The following RORA variants were observed in gnomAD, a reference collection of about 807,000 sequenced individuals.
RORA encodes the protein RAR related orphan receptor A.
In RORA, 7 loss-of-function variants were observed where a neutral mutation model predicts 69.5. The observed-to-expected ratio is 0.10, with a 90% confidence interval of 0.06 to 0.19. The LOEUF is 0.19. RORA is among the 10% of genes least tolerant of loss of function. RORA has a pLI of 1.00. For missense variants in RORA, 457 were observed against 663.0 expected (o/e 0.69, Z 3.41); for synonymous variants, 261 against 240.8 (o/e 1.08, Z -0.78).
chr15:60,569,171 A>G (rs1475620061), intron 2 of RORA, among the ~76,000 whole-genome samples: 2 of 151,822 alleles, frequency 1.3e-5, no homozygotes, highest in African/African-American at 4.8e-5. Flanking sequence ...CTCCTTCTCA[A>G]AAGAAACCAC....
At chr15:60,946,140 G>A (rs1441181555) in intron 1 of RORA, among the ~76,000 whole-genome samples, 8 of 152,128 alleles carry the variant, frequency 5.3e-5, no homozygotes, top group Non-Finnish European at 1.2e-4. Flanking sequence ...TGTGCTGAGG[G>A]TGATTCCGCA....
chr15:60,670,490 G>A (rs1218525366), intron 2 of RORA, among the ~76,000 whole-genome samples: 5 of 152,082 alleles, frequency 3.3e-5, no homozygotes, highest in African/African-American at 4.8e-5. Flanking sequence ...GATTACAAGC[G>A]TGAGCCACCA....
At chr15:61,149,404 C>T (rs2079378783) in intron 1 of RORA, among the ~76,000 whole-genome samples, 1 of 152,194 alleles carries the variant, frequency 6.6e-6, no homozygotes, top group African/African-American at 2.4e-5. Flanking sequence ...ACTCATCAGA[C>T]AAGTTTCTCA....
chr15:61,029,021 T>C (rs78376615), intron 1 of RORA, among the ~76,000 whole-genome samples: 214 of 152,148 alleles, frequency 1.4e-3, no homozygotes, highest in African/African-American at 4.8e-3. Flanking sequence ...GTGATGAATA[T>C]ATTCTGAAAT....
chr15:61,015,797 C>A (rs528666317), intron 1 of RORA, among the ~76,000 whole-genome samples: 1 of 152,288 alleles, frequency 6.6e-6, no homozygotes, highest in African/African-American at 2.4e-5. Flanking sequence ...AAATTATATA[C>A]CTGTAAAAGA....
chr15:60,994,106 C>G (rs1282117792), intron 1 of RORA, among the ~76,000 whole-genome samples: 1 of 152,160 alleles, frequency 6.6e-6, no homozygotes, highest in African/African-American at 2.4e-5. Flanking sequence ...CAAGTTTGAA[C>G]TGGACAAACA....
chr15:60,697,846 C>CT (rs1373142073), intron 1 of RORA, among the ~76,000 whole-genome samples: 1 of 152,160 alleles, frequency 6.6e-6, no homozygotes, highest in East Asian at 1.9e-4. Flanking sequence ...TACATGGTAT[C>CT]TCATTCACGG....
intron 1 of RORA, among the ~76,000 whole-genome samples, chr15:61,122,603 T>A (rs2079113472): frequency 6.6e-6 from 1 of 152,144 alleles, no homozygotes; most frequent in Non-Finnish European, 1.5e-5. Flanking sequence ...ACGGAGGATA[T>A]CACTTTTTTT....
At chr15:61,165,033 C>A (rs1172662291) in intron 1 of RORA, among the ~76,000 whole-genome samples, 1 of 152,206 alleles carries the variant, frequency 6.6e-6, no homozygotes, top group Non-Finnish European at 1.5e-5. Context: ...CCCTCCAAAG[C>A]TCCTACTGAG....
At chr15:60,926,329 C>T (rs1383683861) in intron 1 of RORA, among the ~76,000 whole-genome samples, 1 of 152,220 alleles carries the variant, frequency 6.6e-6, no homozygotes, top group Non-Finnish European at 1.5e-5. Flanking sequence ...TCAGCTGACA[C>T]CTGGCTGTCT....
chr15:61,009,794 T>C (rs1895032764), intron 1 of RORA, among the ~76,000 whole-genome samples: 1 of 152,196 alleles, frequency 6.6e-6, no homozygotes, highest in South Asian at 2.1e-4. Flanking sequence ...AAAAGGATCT[T>C]AATCCATTAA....
intron 1 of RORA, among the ~76,000 whole-genome samples, chr15:60,959,148 G>T (rs1893348640): frequency 6.6e-6 from 1 of 152,178 alleles, no homozygotes; most frequent in African/African-American, 2.4e-5. Flanking sequence ...TTGCCATTAG[G>T]TACTTTTGTG....
At chr15:60,822,237 G>A (rs2072902496) in intron 1 of RORA, among the ~76,000 whole-genome samples, 1 of 152,174 alleles carries the variant, frequency 6.6e-6, no homozygotes, top group Non-Finnish European at 1.5e-5. Context: ...CCTAGTTCAA[G>A]AGCCTCATTT....
At chr15:60,929,781 T>C (rs968720975) in intron 1 of RORA, among the ~76,000 whole-genome samples, 1 of 152,206 alleles carries the variant, frequency 6.6e-6, no homozygotes, top group African/African-American at 2.4e-5. Flanking sequence ...AATAGCCATC[T>C]GGGAGTGCTT....
At chr15:60,631,492 G>A (rs901758976) in intron 2 of RORA, among the ~76,000 whole-genome samples, 2 of 152,176 alleles carry the variant, frequency 1.3e-5, no homozygotes, top group African/African-American at 4.8e-5. Context: ...CAGAAAATAG[G>A]TGTCAACTTT....
At chr15:60,634,147 T>C (rs1269969199) in intron 2 of RORA, among the ~76,000 whole-genome samples, 1 of 152,246 alleles carries the variant, frequency 6.6e-6, no homozygotes, top group African/African-American at 2.4e-5. Context: ...TTTAATATTA[T>C]GTTTTTCTGT....
intron 1 of RORA, among the ~76,000 whole-genome samples, chr15:61,208,073 TAAGA>T (rs929064662): frequency 3.3e-5 from 5 of 152,214 alleles, no homozygotes; most frequent in African/African-American, 7.2e-5. Flanking sequence ...CGCATTTCTC[TAAGA>T]GAGACCTGTT....
At chr15:61,142,657 C>T (rs1272141934) in intron 1 of RORA, among the ~76,000 whole-genome samples, 1 of 152,056 alleles carries the variant, frequency 6.6e-6, no homozygotes, top group Non-Finnish European at 1.5e-5. Context: ...GAATAAGATA[C>T]CACCACCAAA....
At chr15:61,143,380 C>T (rs907924871) in intron 1 of RORA, among the ~76,000 whole-genome samples, 7 of 151,942 alleles carry the variant, frequency 4.6e-5, no homozygotes, top group Non-Finnish European at 8.8e-5. Flanking sequence ...ATGTATTCTC[C>T]CCTAAATTTA....
Sources: allele counts gnomAD v4.1 joint callset (sites outside exome capture counted in the v4.1 genomes callset), GRCh38; gene constraint gnomAD v4.1.1; transcripts MANE v1.5; gene names NCBI Gene and HGNC (gene_info 2026-07-23, HGNC 2026-07-21).